Variants in MAP7 observed in about 807,000 individuals in gnomAD.
MAP7 encodes the protein microtubule associated protein 7.
A neutral mutation model predicts 94.8 loss-of-function variants in MAP7; 52 were observed. The observed-to-expected ratio is 0.55, with a 90% CI of 0.44 to 0.69. MAP7 has a LOEUF of 0.69. MAP7 is among the 30% of genes least tolerant of loss of function. The pLI, the probability that MAP7 is intolerant of heterozygous loss-of-function variation, is 0.00. For synonymous variants in MAP7, 350 were observed against 357.0 expected (o/e 0.98, Z 0.22); for missense variants, 940 against 964.6 (o/e 0.97, Z 0.34).
intron 1 of MAP7, among the ~76,000 whole-genome samples, chr6:136,529,122 A>T (rs1828264695): frequency 6.6e-6 from 1 of 152,078 alleles, no homozygotes; most frequent in Admixed American, 6.6e-5. Context: ...CACTACTCTG[A>T]ATTCCTGAAC....
intron 1 of MAP7, among the ~76,000 whole-genome samples, chr6:136,440,813 A>G (rs1384078992): frequency 6.6e-6 from 1 of 151,394 alleles, no homozygotes; most frequent in Admixed American, 6.6e-5. Flanking sequence ...TTAAAAATAA[A>G]ATATTTAAGG....
intron 1 of MAP7, among the ~76,000 whole-genome samples, chr6:136,456,338 G>A (rs1269078292): frequency 1.3e-5 from 2 of 152,056 alleles, no homozygotes; most frequent in East Asian, 1.9e-4. Flanking sequence ...CAAAAGCAGT[G>A]CTATGAGGAA....
intron 7 of MAP7, among the ~76,000 whole-genome samples, chr6:136,377,430 G>T (rs1239438314): frequency 6.6e-6 from 1 of 152,136 alleles, no homozygotes; most frequent in Non-Finnish European, 1.5e-5. Context: ...TTCTACCTTG[G>T]ATTATCTGCT....
At chr6:136,439,466 GTTT>G (rs1797242873) in intron 1 of MAP7, among the ~76,000 whole-genome samples, 1 of 152,092 alleles carries the variant, frequency 6.6e-6, no homozygotes, top group African/African-American at 2.4e-5. Context: ...CTAGTCTCAG[GTTT>G]TTGTTATTAG....
At chr6:136,545,579 C>T (rs564881660) in intron 1 of MAP7, 14 of 152,312 alleles carry the variant, frequency 9.2e-5, no homozygotes, top group African/African-American at 7.2e-5. Context: ...AATTTGACTT[C>T]GATGAACAAT....
chr6:136,394,333 T>C (rs960514275), intron 3 of MAP7, among the ~76,000 whole-genome samples: 3 of 152,174 alleles, frequency 2.0e-5, no homozygotes, highest in African/African-American at 4.8e-5. Flanking sequence ...CTGATTTTTA[T>C]TGAGCCTCTT....
chr6:136,380,600 T>G (rs1777477742), intron 6 of MAP7, among the ~76,000 whole-genome samples: 1 of 152,194 alleles, frequency 6.6e-6, no homozygotes, highest in Non-Finnish European at 1.5e-5. Flanking sequence ...TTCCTAATAT[T>G]CTTTCTTGAG....
intron 3 of MAP7, among the ~76,000 whole-genome samples, chr6:136,400,584 G>A (rs1783798013): frequency 6.6e-6 from 1 of 152,108 alleles, no homozygotes; most frequent in Non-Finnish European, 1.5e-5. Context: ...CTAAAATAAT[G>A]AGCAAATGGC....
chr6:136,414,362 A>G (rs915813540), intron 2 of MAP7, among the ~76,000 whole-genome samples: 2 of 147,774 alleles, frequency 1.4e-5, no homozygotes, highest in Admixed American at 1.4e-4. Context: ...ACTTCCACAT[A>G]TTTTTTATGT....
intron 8 of MAP7, among the ~76,000 whole-genome samples, chr6:136,366,648 G>C (rs1034491416): frequency 5.9e-5 from 9 of 152,164 alleles, no homozygotes; most frequent in African/African-American, 2.2e-4. Context: ...CACTAATAAG[G>C]TGATTCCGGA....
chr6:136,409,051 G>A (rs575503810), intron 3 of MAP7, among the ~76,000 whole-genome samples: 39 of 148,528 alleles, frequency 2.6e-4, no homozygotes, highest in East Asian at 3.9e-4. Flanking sequence ...TGGTTTAAAT[G>A]GAAAAAAAAA....
chr6:136,489,625 T>C (rs952195555), intron 1 of MAP7, among the ~76,000 whole-genome samples: 5 of 151,372 alleles, frequency 3.3e-5, no homozygotes, highest in African/African-American at 1.2e-4. Context: ...CTTCCTGGGT[T>C]CAAGTGAGTC....
intron 1 of MAP7, among the ~76,000 whole-genome samples, chr6:136,523,609 T>C (rs1371334483): frequency 6.6e-6 from 1 of 152,184 alleles, no homozygotes; most frequent in East Asian, 1.9e-4. Context: ...ATATCCACGG[T>C]TATCTGGTTA....
At chr6:136,462,934 G>A (rs1452655296) in intron 1 of MAP7, among the ~76,000 whole-genome samples, 4 of 134,840 alleles carry the variant, frequency 3.0e-5, no homozygotes, top group African/African-American at 5.5e-5. Context: ...CAGCCTGGGC[G>A]ACAGAGTGAG....
chr6:136,379,402 A>G (rs1777111239), intron 6 of MAP7, among the ~76,000 whole-genome samples: 1 of 152,172 alleles, frequency 6.6e-6, no homozygotes, highest in South Asian at 2.1e-4. Flanking sequence ...ATATTATCTG[A>G]CATTAAGATT....
rs370534219 is a variant in MAP7 at position 136,451,569 on chromosome 6, G to A, written c.68-29770C>T. ...TCCCATCCTGCAGACCATGGATAAA[G>A]AAGTAATTCTGACTCTCAAGTCTTA... is the stretch of plus-strand genomic sequence containing the variant. On this transcript the variant is annotated intron_variant, in intron 1 of 17. Coordinates refer to ENST00000354570, the MANE Select transcript of MAP7 (RefSeq NM_003980.6). 9.2e-5 allele frequency among the ~76,000 whole-genome samples: 14 copies of A among 152,328 alleles called. No individual in the cohort carries two copies. In the South Asian group the frequency reaches 2.9e-3, roughly 32 times the overall value.
Position 136,362,675 on chromosome 6 carries a change from G to A in MAP7, c.1301C>T (p.Ala434Val), listed in dbSNP as rs780516608. The A allele has an allele frequency of 1.2e-6, 2 of 1,605,768 alleles. No homozygotes were observed. Among genetic ancestry groups the A allele is most frequent in the African/African-American group, 1.3e-5 (1 of 74,778 alleles). Residue 434 changes from alanine (A) to valine (V), a missense_variant, in exon 11 of 18, where the codon GCC (alanine) becomes GTC (valine). Coordinates refer to ENST00000354570, the MANE Select transcript of MAP7 (RefSeq NM_003980.6). ...GGCCGAGGCTGGAGCTGGGGCCGAG[G>A]CTGGAGCTGGGGCCATGGCTGGAGC... ...PAAPAMAPAP[A>V]SAPAPASAPA...
At chr6:136,364,334 T>C (rs1793687291) in intron 10 of MAP7, 1 of 477,424 alleles carries the variant, frequency 2.1e-6, no homozygotes, top group African/African-American at 2.0e-5. Flanking sequence ...GAGGAGCTCG[T>C]GGACCTGCAC....
intron 7 of MAP7, among the ~76,000 whole-genome samples, chr6:136,375,496 A>G (rs1216081829): frequency 2.0e-5 from 3 of 152,204 alleles, no homozygotes; most frequent in Non-Finnish European, 4.4e-5. Context: ...GGCAATTAGG[A>G]ATATGATGAG....
Sources: allele counts gnomAD v4.1 joint callset (sites outside exome capture counted in the v4.1 genomes callset), GRCh38; gene constraint gnomAD v4.1.1; transcripts MANE v1.5; gene names NCBI Gene and HGNC (gene_info 2026-07-23, HGNC 2026-07-21).